HLTF: variants seen among roughly 807,000 people sequenced by gnomAD.
HLTF encodes the protein DNA-dependent ATPase/E3 ubiquitin-protein ligase HLTF.
Under a neutral mutation model 129.4 loss-of-function variants are expected in HLTF, and 127 were observed. The ratio of observed to expected loss-of-function variants is 0.98; its 90% CI spans 0.85 to 1.14. HLTF has a LOEUF of 1.14. Ranked by LOEUF, HLTF falls within the 50% of genes most tolerant of loss-of-function variation. The probability of loss-of-function intolerance (pLI) is 0.00; values close to 1 mark genes in which losing one functional copy is unlikely to be tolerated. For synonymous variants in HLTF, 332 were observed against 388.8 expected, an observed-to-expected ratio of 0.85 and a Z score of 1.72; for missense variants, 1,139 against 1,187.1, an observed-to-expected ratio of 0.96 and a Z score of 0.60.
At chr3:149,033,696 G>A (rs537527887) in intron 24 of HLTF, among the ~76,000 whole-genome samples, 1 of 151,890 alleles carries the variant, frequency 6.6e-6, no homozygotes, top group South Asian at 2.1e-4. Context: ...AGAACAAATC[G>A]TTCTTCATCT....
intron 1 of HLTF, among the ~76,000 whole-genome samples, chr3:149,086,100 T>C (rs542195471): frequency 1.5e-4 from 23 of 152,128 alleles, no homozygotes; most frequent in African/African-American, 5.1e-4. Flanking sequence ...GTGACAGAGA[T>C]TTCCCAAGTC....
intron 4 of HLTF, 126 bp from the exon 5 acceptor site, chr3:149,073,448 C>T: frequency 1.6e-6 from 1 of 640,822 alleles, no homozygotes; most frequent in Non-Finnish European, 2.7e-6. Context: ...AACCCAAGCA[C>T]TTTGGGAGGC....
At chr3:149,067,197 C>T (rs35886147) in intron 8 of HLTF, among the ~76,000 whole-genome samples, 4,032 of 149,504 alleles carry the variant, frequency 0.027, 69 homozygotes, top group South Asian at 0.052. Flanking sequence ...TATATATATA[C>T]ACACACACAC....
At chr3:149,074,112 C>G in intron 4 of HLTF, 103 bp downstream of exon 4, 1 of 1,152,300 alleles carries the variant, frequency 8.7e-7, no homozygotes, top group Non-Finnish European at 1.2e-6. Flanking sequence ...TACCTTGGAG[C>G]CTTGAGCACA....
chr3:149,059,876 T>C, intron 12 of HLTF, 69 bp from the exon 13 acceptor site: 1 of 912,582 alleles, frequency 1.1e-6, no homozygotes, highest in Non-Finnish European at 1.7e-6. Flanking sequence ...AGGTACTTTC[T>C]AAGGGTAAGA....
At chr3:149,061,754 T>C (rs2108019799) in intron 10 of HLTF, among the ~76,000 whole-genome samples, 1 of 151,114 alleles carries the variant, frequency 6.6e-6, no homozygotes, top group South Asian at 2.1e-4. Context: ...GAGAATTGCT[T>C]GAACCCGGGA....
intron 13 of HLTF, among the ~76,000 whole-genome samples, chr3:149,058,882 T>G (rs1345357554): frequency 6.6e-6 from 1 of 152,252 alleles, no homozygotes; most frequent in Non-Finnish European, 1.5e-5. Context: ...AATGTGTAAT[T>G]TAATTCTATC....
rs777274567 is a variant in HLTF, at chr3:149,046,175, T to C, written c.1977A>G (p.Pro659=). Residue 659 remains proline, a synonymous_variant, in exon 18 of 25, where the codon CCA becomes CCG. Coordinates refer to ENST00000310053, the MANE Select transcript of HLTF (RefSeq NM_003071.4). ...KIKGKPVLEL[P]ERKVFIQHIT... ...TGTGCTGAATAAATACTTTACGTTC[T>C]GGTAACTCCAAAACAGGTTTTCCTT... is the stretch of plus-strand genomic sequence containing the variant. 1.2e-6 allele frequency: 2 copies of C among 1,609,404 alleles called. No individual in the cohort carries two copies. The highest frequency in any genetic ancestry group is 2.7e-5 in the African/African-American group (2 of 74,802).
rs377234012 is a variant in HLTF, at chr3:149,042,323, C to T, written c.2073-33G>A. 122 of 1,555,728 alleles carry T rather than the reference C, an allele frequency of 7.8e-5. 1 individual carries two copies. The highest frequency in any genetic ancestry group is 1.2e-4 in the Admixed American group (7 of 57,264). ...TTAAAATGTCAAATATTATTAAGTC[C>T]GCTAAACAATAATAACTTCCTATTC... On this transcript the variant is annotated intron_variant, in intron 18 of 24. Coordinates refer to ENST00000310053, the MANE Select transcript of HLTF (RefSeq NM_003071.4).
Position 149,064,783 on chromosome 3 carries a change from G to A in HLTF, c.1066+8C>T. 1 of 1,501,144 alleles carries A rather than the reference G, an allele frequency of 6.7e-7. No homozygotes were observed. Among genetic ancestry groups the A allele is most frequent in the Non-Finnish European group, 9.3e-7 (1 of 1,079,036 alleles). The allele number at this position is 1,501,144 out of a possible 1,614,324, so 93.0% of individuals were successfully genotyped here. ...CAAATATTGGATCATTTCAAAATTA[G>A]CATTTACCTTTGCTTAGTCCATCTG... On this transcript the variant is annotated splice_region_variant and intron_variant, in intron 9 of 24. Transcript: ENST00000310053.
intron 23 of HLTF, 24 bp downstream of exon 23, chr3:149,039,025 G>T: frequency 7.1e-7 from 1 of 1,416,882 alleles, no homozygotes. Context: ...CTAAGATTCT[G>T]AAAAAATTTA....
intron 23 of HLTF, among the ~76,000 whole-genome samples, chr3:149,035,258 G>A (rs1715471310): frequency 1.3e-5 from 2 of 151,672 alleles, no homozygotes; most frequent in Non-Finnish European, 2.9e-5. Flanking sequence ...ATAAGTATTT[G>A]TTGATTAATC....
At position 149,059,769 on chromosome 3, in the gene HLTF, A is replaced by G. The variant is rs762154956; in HGVS notation, c.1324T>C (p.Cys442Arg). 1.2e-5 allele frequency: 20 copies of G among 1,605,118 alleles called. No homozygotes were observed. Among genetic ancestry groups the G allele is most frequent in the Non-Finnish European group, 1.7e-5 (20 of 1,176,310 alleles). ...SKVIEDVAFA[C>R]ALTSSVPTTK... ...GTAGGAACAGATGAAGTTAATGCAC[A>G]TGCAAATGCCACATCTTCTATAACC... The change falls in exon 13 of 25, where the codon TGT (cysteine) becomes CGT (arginine). Residue 442 changes from cysteine (C) to arginine (R), a missense_variant. Coordinates refer to ENST00000310053, the MANE Select transcript of HLTF (RefSeq NM_003071.4).
At position 149,050,269 on chromosome 3, in the gene HLTF, A is replaced by T; in HGVS notation, c.1580T>A (p.Val527Asp). The T allele has an allele frequency of 2.5e-6, 4 of 1,596,928 alleles. No individual in the cohort carries two copies. The highest frequency in any genetic ancestry group is 3.4e-6 in the Non-Finnish European group (4 of 1,165,794). Residue 527 changes from valine (V) to aspartate (D), a missense_variant, in exon 15 of 25, where the codon GTT (valine) becomes GAT (aspartate). Transcript: ENST00000310053. ...AGTTAAAATATTATACGTAGTCAAA[A>T]CAATATCCTGTTTTGAAAGTAAGGC... is the stretch of plus-strand genomic sequence containing the variant. ...EPALLSKQDI[V>D]LTTYNILTHD...
chr3:149,076,155 T>C (rs1719337504), intron 2 of HLTF, 108 bp from the exon 3 acceptor site: 1 of 442,754 alleles, frequency 2.3e-6, no homozygotes, highest in African/African-American at 2.0e-5. Flanking sequence ...TGCTAAACAC[T>C]GCACATAAGA....
chr3:149,076,691 T>C (rs1719385937), intron 2 of HLTF, among the ~76,000 whole-genome samples: 1 of 152,210 alleles, frequency 6.6e-6, no homozygotes, highest in African/African-American at 2.4e-5. Flanking sequence ...TTAAAAACTG[T>C]ATGATTTAAC....
In HLTF at chr3:149,046,079, C is replaced by CGTAT; in HGVS notation, c.2072_2072+1insATAC (p.Phe693ValfsTer3). ...TTTAACATGGTTTTCTTTCTCCATACCTTCCAATAGTGGCTCTGCCTTCAT... is the reference window on the plus strand; with the variant it reads ...TTTAACATGGTTTTCTTTCTCCATACGTATCTTCCAATAGTGGCTCTGCCTTCAT... On this transcript the variant is annotated frameshift_variant and splice_region_variant. Coordinates refer to ENST00000310053, the MANE Select transcript of HLTF (RefSeq NM_003071.4). LOFTEE classifies it high-confidence loss of function. 1 of 1,599,036 alleles carries CGTAT rather than the reference C, an allele frequency of 6.3e-7. No individual in the cohort carries two copies. The highest frequency in any genetic ancestry group is 8.5e-7 in the Non-Finnish European group (1 of 1,174,042).
chr3:149,039,909 G>A, intron 21 of HLTF, 122 bp downstream of exon 21: 3 of 877,334 alleles, frequency 3.4e-6, no homozygotes, highest in Non-Finnish European at 5.0e-6. Flanking sequence ...AAAAGCCAGT[G>A]GTCAACAACA....
chr3:149,060,803 T>G lies in HLTF; in HGVS notation c.1216A>C (p.Ser406Arg). Reference sequence around the variant, plus strand: ...CCTTTCATTTTCTGCGGCAATTCACTTGTTTCAATTTCCTCTGAATCACTG... The same window carrying G: ...CCTTTCATTTTCTGCGGCAATTCACGTGTTTCAATTTCCTCTGAATCACTG... ...ESSDSEEIETSELPQKMKGKL... is the reference protein window; with the variant it reads ...ESSDSEEIETRELPQKMKGKL... The change falls in exon 11 of 25, where the codon AGT (serine) becomes CGT (arginine). Residue 406 changes from serine (S) to arginine (R), a missense_variant. Ser to Arg is a moderately radical substitution (Grantham distance 110, BLOSUM62 -1). Transcript: ENST00000310053. 1 of 1,613,624 alleles carries G rather than the reference T, an allele frequency of 6.2e-7. No individual in the cohort carries two copies. The highest frequency in any genetic ancestry group is 8.5e-7 in the Non-Finnish European group (1 of 1,179,602).
Sources: allele counts gnomAD v4.1 joint callset (sites outside exome capture counted in the v4.1 genomes callset), GRCh38; gene constraint gnomAD v4.1.1; transcripts MANE v1.5; gene names NCBI Gene and HGNC (gene_info 2026-07-23, HGNC 2026-07-21).